Variants in FAM83C observed in about 807,000 individuals in gnomAD.
The protein encoded by FAM83C is protein FAM83C.
In FAM83C, 23 loss-of-function variants were observed where a neutral mutation model predicts 27.1. The ratio of observed to expected loss-of-function variants is 0.85; its 90% CI spans 0.61 to 1.20. FAM83C has a LOEUF of 1.20. Ranked by LOEUF, FAM83C falls within the 50% of genes most tolerant of loss-of-function variation. The pLI is 0.00. For synonymous variants in FAM83C, 426 were observed against 423.1 expected (o/e 1.01, Z -0.09); for missense variants, 984 against 1,001.3 (o/e 0.98, Z 0.23).
At chr20:35,288,088 C>T in intron 3 of FAM83C, 116 bp from the exon 4 acceptor site, 1 of 874,072 alleles carries the variant, frequency 1.1e-6, no homozygotes, top group Non-Finnish European at 1.7e-6. Flanking sequence ...ACCCCACCAC[C>T]ACGAGGGCTC....
intron 1 of FAM83C, 132 bp from the exon 2 acceptor site, chr20:35,289,090 G>A (rs1410755301): frequency 6.7e-6 from 8 of 1,187,422 alleles, no homozygotes; most frequent in Non-Finnish European, 9.3e-6. Context: ...GAGCCTTCAA[G>A]AGCAAGTGAA....
At position 35,288,320 on chromosome 20, in the gene FAM83C, C is replaced by A; in HGVS notation, c.806+141G>T. ...CCTCCAGGGCCGATGCCCCCGACACCCTCCCCTGAGCCTGGCATGATGCCT... is the reference window on the plus strand; with the variant it reads ...CCTCCAGGGCCGATGCCCCCGACACACTCCCCTGAGCCTGGCATGATGCCT... On this transcript the variant is annotated intron_variant, in intron 3 of 3. Transcript: ENST00000374408. 2.1e-6 allele frequency: 3 copies of A among 1,453,940 alleles called. No homozygotes were observed. In the South Asian group the frequency reaches 4.0e-5, roughly 19 times the overall value. The allele number at this position is 1,453,940 out of a possible 1,614,324, so 90.1% of individuals were successfully genotyped here.
rs948403988 is a variant in FAM83C at position 35,286,156 on chromosome 20, T to C, written c.*379A>G. ...AGAAAGTTTTCTGACTACTCCACCT[T>C]CTCCAGGACTCTCTGCCCTTTGTTT... is the stretch of plus-strand genomic sequence containing the variant. On this transcript the variant is annotated 3_prime_UTR_variant, in exon 4 of 4. Coordinates refer to ENST00000374408, the MANE Select transcript of FAM83C (RefSeq NM_178468.6). 7.3e-5 allele frequency: 13 copies of C among 179,110 alleles called. No homozygotes were observed. The highest frequency in any genetic ancestry group is 1.2e-4 in the Non-Finnish European group (10 of 85,808). 11.1% of individuals were successfully genotyped at this position (179,110 alleles called of 1,614,324 possible).
chr20:35,286,685 A>G lies in FAM83C; in HGVS notation c.2094T>C (p.Pro698=). The G allele has an allele frequency of 6.2e-7, 1 of 1,613,984 alleles. No individual in the cohort carries two copies. Among genetic ancestry groups the G allele is most frequent in the South Asian group, 1.1e-5 (1 of 91,064 alleles). ...QLHGARQGTE[P]GGPKGGHLNG... Reference sequence around the variant, plus strand: ...TGAGATGGCCACCCTTGGGACCCCCAGGCTCAGTTCCCTGCCTGGCCCCGT... The same window carrying G: ...TGAGATGGCCACCCTTGGGACCCCCGGGCTCAGTTCCCTGCCTGGCCCCGT... The change falls in exon 4 of 4, where the codon CCT becomes CCC. Residue 698 remains proline (P), a synonymous_variant. Coordinates refer to ENST00000374408, the MANE Select transcript of FAM83C (RefSeq NM_178468.6).
chr20:35,287,333 T>C lies in FAM83C; in HGVS notation c.1446A>G (p.Arg482=). 1 of 1,613,762 alleles carries C rather than the reference T, an allele frequency of 6.2e-7. No individual in the cohort carries two copies. ...TCTCCAGGGTTGTGCCAGGTACCCATCGACCCCGCAGGGGGCTGGGCTCTT... is the reference window on the plus strand; with the variant it reads ...TCTCCAGGGTTGTGCCAGGTACCCACCGACCCCGCAGGGGGCTGGGCTCTT... ...GSQEPSPLRG[R]WVPGTTLETV... The change falls in exon 4 of 4, where the codon CGA becomes CGG. Residue 482 remains arginine (R), a synonymous_variant. Coordinates refer to ENST00000374408, the MANE Select transcript of FAM83C (RefSeq NM_178468.6).
At position 35,287,197 on chromosome 20, in the gene FAM83C, TAA is replaced by T; in HGVS notation, c.1580_1581del (p.Val527AspfsTer42). 1 of 1,610,492 alleles carries T rather than the reference TAA, an allele frequency of 6.2e-7. No homozygotes were observed. The highest frequency in any genetic ancestry group is 1.1e-5 in the South Asian group (1 of 91,050). On this transcript the variant is annotated frameshift_variant, in exon 4 of 4. Transcript: ENST00000374408. LOFTEE classifies it low-confidence loss of function (END_TRUNC). ...AREVGDPDSG[V>X]TPNSGPLRPG... is the part of the protein sequence containing the mutation. ...GGCCGAAGGGGGCCTGAGTTGGGGGTAACCCCAGAGTCAGGGTCTCCCACTTC... is the reference window on the plus strand; with the variant it reads ...GGCCGAAGGGGGCCTGAGTTGGGGGTCCCCAGAGTCAGGGTCTCCCACTTC...
chr20:35,291,157 G>A (rs559018310), intron 1 of FAM83C, among the ~76,000 whole-genome samples: 7 of 152,262 alleles, frequency 4.6e-5, no homozygotes, highest in Admixed American at 6.5e-5. Flanking sequence ...TCAAGGCCAC[G>A]CCAAAGAGGC....
intron 3 of FAM83C, 84 bp from the exon 4 acceptor site, chr20:35,288,056 T>G: frequency 1.6e-6 from 2 of 1,220,176 alleles, no homozygotes; most frequent in Non-Finnish European, 2.3e-6. Context: ...GGTGCATACC[T>G]GGTCCAGCAC....
Position 35,287,324 on chromosome 20 carries a change from AG to A in FAM83C, c.1454del (p.Pro485LeufsTer103). The stretch of plus-strand genomic sequence containing the variant: ...CCTCCACTGTCTCCAGGGTTGTGCC[AG>A]GTACCCATCGACCCCGCAGGGGGCT... ...EPSPLRGRWV[P>X]GTTLETVEEK... is the part of the protein sequence containing the mutation. On this transcript the variant is annotated frameshift_variant, in exon 4 of 4. Coordinates refer to ENST00000374408, the MANE Select transcript of FAM83C (RefSeq NM_178468.6). LOFTEE classifies it low-confidence loss of function (END_TRUNC). 1.2e-6 allele frequency: 2 copies of A among 1,613,758 alleles called. No homozygotes were observed. The highest frequency in any genetic ancestry group is 1.7e-6 in the Non-Finnish European group (2 of 1,180,030).
rs763780119 is a variant in FAM83C, at chr20:35,287,650, C to T, written c.1129G>A (p.Val377Met). The T allele has an allele frequency of 1.4e-5, 23 of 1,613,936 alleles. No individual in the cohort carries two copies. The highest frequency in any genetic ancestry group is 1.8e-5 in the Non-Finnish European group (21 of 1,179,906). Residue 377 changes from valine to methionine, a missense_variant, in exon 4 of 4, where the codon GTG (valine) becomes ATG (methionine). Transcript: ENST00000374408. ...GGGDCSDTGVVSSSLGPARRE... is the reference protein window; with the variant it reads ...GGGDCSDTGVMSSSLGPARRE... ...CGGGCAGGACCCAGGGACGAGGACACCACACCCGTATCACTGCAATCACCA... is the reference window on the plus strand; with the variant it reads ...CGGGCAGGACCCAGGGACGAGGACATCACACCCGTATCACTGCAATCACCA...
rs930665735 is a variant in FAM83C at position 35,287,361 on chromosome 20, C to T, written c.1418G>A (p.Ser473Asn). The T allele has an allele frequency of 1.7e-5, 27 of 1,613,772 alleles. No individual in the cohort carries two copies. In the Admixed American group the frequency reaches 2.8e-4, roughly 17 times the overall value. Reference protein sequence around the residue: ...SRFPENGLPGSQEPSPLRGRW... With the variant: ...SRFPENGLPGNQEPSPLRGRW... ...ACCCCGCAGGGGGCTGGGCTCTTGG[C>T]TTCCTGGGAGCCCATTCTCTGGGAA... The change falls in exon 4 of 4, where the codon AGC becomes AAC. Residue 473 changes from serine (S) to asparagine (N), a missense_variant. By Grantham distance (46) the Ser-to-Asn change is conservative. Coordinates refer to ENST00000374408, the MANE Select transcript of FAM83C (RefSeq NM_178468.6).
At chr20:35,288,734 C>T in intron 2 of FAM83C, 57 bp downstream of exon 2, 1 of 1,556,652 alleles carries the variant, frequency 6.4e-7, no homozygotes, top group Non-Finnish European at 8.7e-7. Context: ...ACTGGCTCCC[C>T]TGCCCTCCCT....
Position 35,288,660 on chromosome 20 carries a change from A to G in FAM83C, c.682-75T>C, listed in dbSNP as rs1164948874. 2.5e-6 allele frequency: 4 copies of G among 1,583,424 alleles called. No individual in the cohort carries two copies. The African/African-American group carries it at 4.0e-5, about 16-fold the overall frequency. ...ATGTCTCTGCCCCATGGGGTCTCTA[A>G]CCCCAGACAGCTAAGGGAACCCACC... is the stretch of plus-strand genomic sequence containing the variant. On this transcript the variant is annotated intron_variant, in intron 2 of 3. Transcript: ENST00000374408.
chr20:35,286,668 C>G lies in FAM83C; in HGVS notation c.2111G>C (p.Gly704Ala), dbSNP rs2060826663. ...GTCACTGTTACCACCATTGAGATGG[C>G]CACCCTTGGGACCCCCAGGCTCAGT... ...QGTEPGGPKG[G>A]HLNGGNSDLV... Residue 704 changes from glycine (G) to alanine (A), a missense_variant, in exon 4 of 4, where the codon GGC becomes GCC. Gly to Ala is a moderately conservative substitution (Grantham distance 60). Transcript: ENST00000374408. 6.2e-7 allele frequency: 1 copy of G among 1,613,724 alleles called. No individual in the cohort carries two copies. The highest frequency in any genetic ancestry group is 2.2e-5 in the East Asian group (1 of 44,818).
intron 2 of FAM83C, 41 bp from the exon 3 acceptor site, chr20:35,288,626 G>A: frequency 6.2e-7 from 1 of 1,609,030 alleles, no homozygotes; most frequent in South Asian, 1.1e-5. Context: ...AGAGAGTGAG[G>A]CTCAAGCCAT....
At position 35,286,390 on chromosome 20, in the gene FAM83C, C is replaced by T; in HGVS notation, c.*145G>A. ...GTGTGTGTGTGTGTGTGTGTGTACA[C>T]AAGAATCTTGAGCCCAGAGAGTGTG... On this transcript the variant is annotated 3_prime_UTR_variant, in exon 4 of 4. Coordinates refer to ENST00000374408, the MANE Select transcript of FAM83C (RefSeq NM_178468.6). The T allele has an allele frequency of 3.2e-6, 2 of 630,196 alleles. No homozygotes were observed. The highest frequency in any genetic ancestry group is 5.3e-6 in the Non-Finnish European group (2 of 375,090). 39.0% of individuals were successfully genotyped at this position (630,196 alleles called of 1,614,324 possible).
At chr20:35,291,625 G>A (rs1286167211) in intron 1 of FAM83C, among the ~76,000 whole-genome samples, 167 bp downstream of exon 1, 1 of 152,190 alleles carries the variant, frequency 6.6e-6, no homozygotes, top group East Asian at 1.9e-4. Flanking sequence ...AGTTGCCAAG[G>A]TAAATATGGG....
Position 35,286,879 on chromosome 20 carries a change from G to A in FAM83C, c.1900C>T (p.Gln634Ter). 10 of 1,614,010 alleles carry A rather than the reference G, an allele frequency of 6.2e-6. No homozygotes were observed. Among genetic ancestry groups the A allele is most frequent in the Non-Finnish European group, 8.5e-6 (10 of 1,179,978 alleles). Residue 634 changes from glutamine (Q) to a stop codon, truncating the protein, a stop_gained, in exon 4 of 4, where the codon CAG becomes TAG. Transcript: ENST00000374408. LOFTEE classifies it high-confidence loss of function. ...CCGAACTTTGTGATGAGGTCCAGCT[G>A]GCTGTGCCCCAGGGTCTGCCGCCGC... ...DERRQTLGHSQLDLITKFGPF... is the reference protein window; with the variant it reads ...DERRQTLGHS
Position 35,287,058 on chromosome 20 carries a change from CTGAGG to C in FAM83C, c.1716_1720del (p.Leu573ThrfsTer3), listed in dbSNP as rs757764480. ...GTCCTCCAGGGCCCGATCACCAGGTCTGAGGGAACCCAACTCAGGGGCACCCCCAG... is the reference window on the plus strand; with the variant it reads ...GTCCTCCAGGGCCCGATCACCAGGTCGAACCCAACTCAGGGGCACCCCCAG... On this transcript the variant is annotated frameshift_variant, in exon 4 of 4. Coordinates refer to ENST00000374408, the MANE Select transcript of FAM83C (RefSeq NM_178468.6). LOFTEE classifies it high-confidence loss of function. 4.4e-6 allele frequency: 7 copies of C among 1,604,922 alleles called. No homozygotes were observed. The East Asian group carries it at 1.6e-4, about 36-fold the overall frequency.
Sources: allele counts gnomAD v4.1 joint callset (sites outside exome capture counted in the v4.1 genomes callset), GRCh38; gene constraint gnomAD v4.1.1; transcripts MANE v1.5; gene names NCBI Gene and HGNC (gene_info 2026-07-23, HGNC 2026-07-21).